The following MDC1 variants were observed in gnomAD, a reference collection of about 807,000 sequenced individuals.
MDC1 encodes the protein mediator of DNA damage checkpoint 1.
A neutral mutation model predicts 142.5 loss-of-function variants in MDC1; 81 were observed. The ratio of observed to expected loss-of-function variants is 0.57; its 90% CI spans 0.47 to 0.68. MDC1 has a LOEUF of 0.68. MDC1 is among the 30% of genes least tolerant of loss of function. The pLI is 0.00. For synonymous variants in MDC1, 797 were observed against 968.4 expected (o/e 0.82, Z 3.29); for missense variants, 2,119 against 2,547.9 (o/e 0.83, Z 3.62).
In MDC1 at chr6:30,715,218, T is replaced by G; in HGVS notation, c.-3-40A>C. 1 of 1,612,158 alleles carries G rather than the reference T, an allele frequency of 6.2e-7. No homozygotes were observed. Among genetic ancestry groups the G allele is most frequent in the Non-Finnish European group, 8.5e-7 (1 of 1,178,260 alleles). ...CATTATCAATTATCCTCATTATTGGTTCACACAAACAGCATCAGAGTTATC... is the reference window on the plus strand; with the variant it reads ...CATTATCAATTATCCTCATTATTGGGTCACACAAACAGCATCAGAGTTATC... On this transcript the variant is annotated intron_variant, in intron 1 of 14. Transcript: ENST00000376406. The surrounding 1 kb of genome is among the most constrained non-coding windows in gnomAD (Gnocchi z 4.1).
intron 7 of MDC1, 79 bp from the exon 8 acceptor site, chr6:30,708,436 T>A: frequency 1.9e-6 from 2 of 1,050,380 alleles, no homozygotes; most frequent in Non-Finnish European, 2.8e-6. Context: ...GAAGTACAGG[T>A]TGACATAATA....
In MDC1 at chr6:30,703,992, C is replaced by A. The variant is rs1773250458; in HGVS notation, c.5191G>T (p.Gly1731Cys). ...TGGTCAATGGGAGCTGCGAGGGAGC[C>A]AGGGTTCCCAGCGGCTCTCTGCCTC... ...IKRQRAAGNP[G>C]SLAAPIDHKP... The change falls in exon 10 of 15, where the codon GGC (glycine) becomes TGC (cysteine). Residue 1731 changes from glycine to cysteine, a missense_variant. Physicochemically the swap from Gly to Cys is radical, Grantham distance 159. Transcript: ENST00000376406. The surrounding 1 kb of genome is among the most constrained non-coding windows in gnomAD (Gnocchi z 4.4). The A allele has an allele frequency of 6.2e-7, 1 of 1,614,168 alleles. No homozygotes were observed. The highest frequency in any genetic ancestry group is 1.7e-5 in the Admixed American group (1 of 60,014).
At position 30,712,148 on chromosome 6, in the gene MDC1, G is replaced by A. The variant is rs1775005442; in HGVS notation, c.1794C>T (p.Ser598=). The A allele has an allele frequency of 8.1e-6, 13 of 1,612,232 alleles. No individual in the cohort carries two copies. Among genetic ancestry groups the A allele is most frequent in the African/African-American group, 1.3e-5 (1 of 74,932 alleles). The stretch of plus-strand genomic sequence containing the variant: ...CAGCATCCCCTTCTGCTGGAAGCTG[G>A]CTCTTTCTTACATCTGCAACTACTG... ...TASVVADVRK[S]QLPAEGDAGA... The change falls in exon 5 of 15, where the codon AGC becomes AGT. Residue 598 remains serine (S), a synonymous_variant. Coordinates refer to ENST00000376406, the MANE Select transcript of MDC1 (RefSeq NM_014641.3). This position sits in a 1 kb window ranked among gnomAD's most constrained non-coding sequence, Gnocchi z 4.7.
chr6:30,704,950 G>A lies in MDC1; in HGVS notation c.4233C>T (p.Ala1411=), dbSNP rs750158627. 5 of 1,606,968 alleles carry A rather than the reference G, an allele frequency of 3.1e-6. No homozygotes were observed. Among genetic ancestry groups the A allele is most frequent in the Non-Finnish European group, 4.2e-6 (5 of 1,176,884 alleles). The stretch of plus-strand genomic sequence containing the variant: ...TGGAAGTGGAAGGCTCGAGCTTAGG[G>A]GCTGTGGGGACAAGTGTTTCAGGGG... ...GKTPETLVPT[A]PKLEPSTSTD... The change falls in exon 10 of 15, where the codon GCC becomes GCT. Residue 1411 remains alanine, a synonymous_variant. Coordinates refer to ENST00000376406, the MANE Select transcript of MDC1 (RefSeq NM_014641.3).
In MDC1 at chr6:30,703,988, G is replaced by T. The variant is rs1345659672; in HGVS notation, c.5195C>A (p.Ser1732Tyr). Residue 1732 changes from serine to tyrosine, a missense_variant, in exon 10 of 15, where the codon TCC becomes TAC. Ser to Tyr is a moderately radical substitution (Grantham distance 144). Transcript: ENST00000376406. This position sits in a 1 kb window ranked among gnomAD's most constrained non-coding sequence, Gnocchi z 4.4. Reference protein sequence around the residue: ...KRQRAAGNPGSLAAPIDHKPC... With the variant: ...KRQRAAGNPGYLAAPIDHKPC... ...CTTATGGTCAATGGGAGCTGCGAGG[G>T]AGCCAGGGTTCCCAGCGGCTCTCTG... 6.2e-7 allele frequency: 1 copy of T among 1,614,212 alleles called. No homozygotes were observed. The highest frequency in any genetic ancestry group is 1.7e-5 in the Admixed American group (1 of 60,026).
Position 30,713,507 on chromosome 6 carries a change from T to G in MDC1, c.587+141A>C, listed in dbSNP as rs1775222676. 7 of 1,249,980 alleles carry G rather than the reference T, an allele frequency of 5.6e-6. No individual in the cohort carries two copies. Among genetic ancestry groups the G allele is most frequent in the Non-Finnish European group, 7.6e-6 (7 of 916,046 alleles). The allele number at this position is 1,249,980 out of a possible 1,614,324, so 77.4% of individuals were successfully genotyped here. A position where few individuals can be genotyped will look rare whatever the true frequency, so the allele number is the denominator to read the frequency against. ...CACTTGGCACATCAGATGTGCTCCATAAAAATTCAGCTGAGTGAATGAATA... is the reference window on the plus strand; with the variant it reads ...CACTTGGCACATCAGATGTGCTCCAGAAAAATTCAGCTGAGTGAATGAATA... On this transcript the variant is annotated intron_variant, in intron 4 of 14. Coordinates refer to ENST00000376406, the MANE Select transcript of MDC1 (RefSeq NM_014641.3). The surrounding 1 kb of genome is among the most constrained non-coding windows in gnomAD (Gnocchi z 4.9).
intron 7 of MDC1, among the ~76,000 whole-genome samples, chr6:30,710,159 G>A (rs1774606896): frequency 6.6e-6 from 1 of 151,886 alleles, no homozygotes; most frequent in South Asian, 2.1e-4. Context: ...TGTGACCTTG[G>A]CTCACTGCAA....
chr6:30,706,265 T>A (rs1288110043), intron 9 of MDC1, among the ~76,000 whole-genome samples, 167 bp from the exon 10 acceptor site: 1 of 151,632 alleles, frequency 6.6e-6, no homozygotes, highest in Non-Finnish European at 1.5e-5. Flanking sequence ...GGCGGGCGGA[T>A]CACGAGGTCA....
chr6:30,704,912 A>C lies in MDC1; in HGVS notation c.4271T>G (p.Val1424Gly), dbSNP rs1309313680. 1.2e-6 allele frequency: 2 copies of C among 1,604,196 alleles called. No individual in the cohort carries two copies. The highest frequency in any genetic ancestry group is 1.7e-6 in the Non-Finnish European group (2 of 1,175,748). The change falls in exon 10 of 15, where the codon GTC becomes GGC. Residue 1424 changes from valine to glycine, a missense_variant. Coordinates refer to ENST00000376406, the MANE Select transcript of MDC1 (RefSeq NM_014641.3). The stretch of plus-strand genomic sequence containing the variant: ...GGCCTGAGATGTGGGCTCAGGAGTG[A>C]CAGGTTGGTCTGTGGAAGTGGAAGG... Reference protein sequence around the residue: ...LEPSTSTDQPVTPEPTSQATR... With the variant: ...LEPSTSTDQPGTPEPTSQATR...
intron 9 of MDC1, among the ~76,000 whole-genome samples, chr6:30,706,443 A>C (rs1773834955): frequency 6.6e-6 from 1 of 151,780 alleles, no homozygotes; most frequent in African/African-American, 2.4e-5. Context: ...AACACGGTGA[A>C]ACCCCGTCTC....
intron 9 of MDC1, among the ~76,000 whole-genome samples, chr6:30,706,702 G>A (rs1041350457): frequency 6.7e-6 from 1 of 149,178 alleles, no homozygotes; most frequent in Non-Finnish European, 1.5e-5. Context: ...GAGGCTGAGG[G>A]AGGAGAGTCG....
At chr6:30,707,510 G>A (rs1774082546) in intron 8 of MDC1, 56 bp from the exon 9 acceptor site, 1 of 1,612,980 alleles carries the variant, frequency 6.2e-7, no homozygotes, top group East Asian at 2.2e-5. Context: ...GTTGCCCAGG[G>A]GTTGATTATC....
At position 30,705,275 on chromosome 6, in the gene MDC1, G is replaced by A. The variant is rs763250651; in HGVS notation, c.3908C>T (p.Pro1303Leu). The A allele has an allele frequency of 3.1e-6, 5 of 1,603,710 alleles. No homozygotes were observed. Among genetic ancestry groups the A allele is most frequent in the Admixed American group, 3.4e-5 (2 of 57,990 alleles). The change falls in exon 10 of 15, where the codon CCC becomes CTC. Residue 1303 changes from proline (P) to leucine (L), a missense_variant. By Grantham distance (98) the Pro-to-Leu change is moderately conservative. Transcript: ENST00000376406. ...CCTAGTGGTCCGAGATGTGGGCTTG[G>A]GGGTGACAGGTCGGTCTGTGGAGGT... ...PSTSTDRPVT[P>L]KPTSRTTRSR...
At chr6:30,707,008 T>C (rs1350552607) in intron 9 of MDC1, among the ~76,000 whole-genome samples, 1 of 152,160 alleles carries the variant, frequency 6.6e-6, no homozygotes, top group Non-Finnish European at 1.5e-5. Context: ...TGGATTTTCC[T>C]TTCTGTCTAT....
In MDC1 at chr6:30,713,433, G is replaced by A; in HGVS notation, c.588-79C>T. 1.4e-6 allele frequency: 2 copies of A among 1,428,168 alleles called. No individual in the cohort carries two copies. The highest frequency in any genetic ancestry group is 9.4e-7 in the Non-Finnish European group (1 of 1,067,596). 88.5% of individuals were successfully genotyped at this position (1,428,168 alleles called of 1,614,324 possible). A position where few individuals can be genotyped will look rare whatever the true frequency, so the allele number is the denominator to read the frequency against. Reference sequence around the variant, plus strand: ...CCCAACTCAACTGTGAGCTCCTTGAGGGGAGACACAAGGTAGCATATTTCT... The same window carrying A: ...CCCAACTCAACTGTGAGCTCCTTGAAGGGAGACACAAGGTAGCATATTTCT... On this transcript the variant is annotated intron_variant, in intron 4 of 14. Coordinates refer to ENST00000376406, the MANE Select transcript of MDC1 (RefSeq NM_014641.3). This position sits in a 1 kb window ranked among gnomAD's most constrained non-coding sequence, Gnocchi z 4.9.
At position 30,711,941 on chromosome 6, in the gene MDC1, C is replaced by G; in HGVS notation, c.2001G>C (p.Gln667His). Residue 667 changes from glutamine to histidine, a missense_variant, in exon 5 of 15, where the codon CAG (glutamine) becomes CAC (histidine). Physicochemically the swap from Gln to His is conservative, Grantham distance 24. Transcript: ENST00000376406. ...GTTCTCTCTCCCTTCCTGTGGGGAC[C>G]TGGGCTCCCTCTCTCTGTGGCTGGG... is the stretch of plus-strand genomic sequence containing the variant. ...ESTQPQREGA[Q>H]VPTGREREQH... The G allele has an allele frequency of 6.4e-7, 1 of 1,555,982 alleles. No individual in the cohort carries two copies. The highest frequency in any genetic ancestry group is 1.2e-5 in the South Asian group (1 of 81,170).
rs202076195 is a variant in MDC1 at position 30,703,366 on chromosome 6, C to G, written c.5682+52G>C. 2.8e-5 allele frequency: 45 copies of G among 1,612,910 alleles called. No individual in the cohort carries two copies. Among genetic ancestry groups the G allele is most frequent in the Non-Finnish European group, 3.6e-5 (43 of 1,179,800 alleles). On this transcript the variant is annotated intron_variant, in intron 11 of 14. Transcript: ENST00000376406. The surrounding 1 kb of genome is among the most constrained non-coding windows in gnomAD (Gnocchi z 4.4). Reference sequence around the variant, plus strand: ...CTCTACAATCCTCTAGGTCTCCTTGCATCCTCCCCTCATCTCTGTCTCCCA... The same window carrying G: ...CTCTACAATCCTCTAGGTCTCCTTGGATCCTCCCCTCATCTCTGTCTCCCA...
intron 7 of MDC1, 110 bp downstream of exon 7, chr6:30,711,302 C>T (rs1052207520): frequency 2.1e-6 from 2 of 944,076 alleles, no homozygotes; most frequent in Non-Finnish European, 3.3e-6. Context: ...GCCTGGGAGG[C>T]GGAGGTTACA....
At chr6:30,708,625 A>G (rs745478598) in intron 7 of MDC1, among the ~76,000 whole-genome samples, 1 of 152,032 alleles carries the variant, frequency 6.6e-6, no homozygotes, top group Non-Finnish European at 1.5e-5. Context: ...AGGCCAAGAC[A>G]TGAGGATTGC....
Sources: allele counts gnomAD v4.1 joint callset (sites outside exome capture counted in the v4.1 genomes callset), GRCh38; gene constraint gnomAD v4.1.1; non-coding constraint Gnocchi (gnomAD v3.1); transcripts MANE v1.5; gene names NCBI Gene and HGNC (gene_info 2026-07-23, HGNC 2026-07-21).